The following COL9A2 variants were observed in gnomAD, a reference collection of about 807,000 sequenced individuals.
COL9A2 encodes collagen alpha-2(IX) chain.
A neutral mutation model predicts 111.6 loss-of-function variants in COL9A2; 66 were observed. The observed-to-expected ratio is 0.59, with a 90% CI of 0.48 to 0.73. COL9A2 has a LOEUF of 0.73. COL9A2 is among the 30% of genes least tolerant of loss of function. COL9A2 has a pLI of 0.00. For synonymous variants in COL9A2, 353 were observed against 364.1 expected (o/e 0.97, Z 0.35); for missense variants, 881 against 954.1 (o/e 0.92, Z 1.01).
Position 40,306,155 on chromosome 1 carries a change from G to A in COL9A2, c.1041C>T (p.Gly347=), listed in dbSNP as rs138882727. ...GGGATCGCCTCACCTGGTCTCCAGGGCCTCCTTTTGTCCCAGGCTGGCCTG... is the reference window on the plus strand; with the variant it reads ...GGGATCGCCTCACCTGGTCTCCAGGACCTCCTTTTGTCCCAGGCTGGCCTG... ...GVPGQPGTKG[G]PGDQGEPGPQ... is the part of the protein sequence containing the mutation. Residue 347 remains glycine, a synonymous_variant, in exon 20 of 32, where the codon GGC becomes GGT. Transcript: ENST00000372748. The A allele has an allele frequency of 1.3e-3, 2,120 of 1,614,176 alleles. 2 individuals carry two copies. Among genetic ancestry groups the A allele is most frequent in the Admixed American group, 1.7e-3 (102 of 60,016 alleles).
Position 40,314,148 on chromosome 1 carries a change from C to T in COL9A2, c.249+57G>A. The T allele has an allele frequency of 3.8e-6, 6 of 1,573,192 alleles. No individual in the cohort carries two copies. The highest frequency in any genetic ancestry group is 4.4e-6 in the Non-Finnish European group (5 of 1,143,616). ...GATCAGTGAAGATGCCAGAGCCAGG[C>T]CCTGGAGGTCAATTGGCAGAGCCCT... is the stretch of plus-strand genomic sequence containing the variant. On this transcript the variant is annotated intron_variant, in intron 4 of 31. Coordinates refer to ENST00000372748, the MANE Select transcript of COL9A2 (RefSeq NM_001852.4). This position sits in a 1 kb window ranked among gnomAD's most constrained non-coding sequence, Gnocchi z 4.1.
intron 2 of COL9A2, chr1:40,315,207 T>G (rs1644197923): frequency 9.6e-7 from 1 of 1,042,950 alleles, no homozygotes; most frequent in African/African-American, 1.7e-5. Context: ...CCCAAGCTGG[T>G]CGGTGGTCTG....
At position 40,316,514 on chromosome 1, in the gene COL9A2, T is replaced by C; in HGVS notation, c.75+609A>G. The C allele has an allele frequency of 4.6e-6, 2 of 437,350 alleles. No homozygotes were observed. Among genetic ancestry groups the C allele is most frequent in the South Asian group, 1.6e-5 (1 of 62,430 alleles). The allele number at this position is 437,350 out of a possible 1,614,324, so 27.1% of individuals were successfully genotyped here. A position where few individuals can be genotyped will look rare whatever the true frequency, so the allele number is the denominator to read the frequency against. On this transcript the variant is annotated intron_variant, in intron 1 of 31. Coordinates refer to ENST00000372748, the MANE Select transcript of COL9A2 (RefSeq NM_001852.4). The surrounding 1 kb of genome is among the most constrained non-coding windows in gnomAD (Gnocchi z 5.5). ...GATCAGAGATCTTAAAAGGCGGCCC[T>C]TTTAAGAGGCCAGCTCGGACCCAGG...
rs767307495 is a variant in COL9A2, at chr1:40,309,940, C to T, written c.844G>A (p.Glu282Lys). Reference protein sequence around the residue: ...PPGRAGEKGDEGSPGIRGPQG... With the variant: ...PPGRAGEKGDKGSPGIRGPQG... ...ACAATGGGTGCCTGAGGACTCACCT[C>T]GTCACCCTTCTCCCCAGCTCGGCCT... The change falls in exon 16 of 32, where the codon GAG becomes AAG. Residue 282 changes from glutamate (E) to lysine (K), a missense_variant and splice_region_variant. Glu to Lys is a moderately conservative substitution (Grantham distance 56). Transcript: ENST00000372748. 2.3e-5 allele frequency: 37 copies of T among 1,613,562 alleles called. No homozygotes were observed. The highest frequency in any genetic ancestry group is 1.5e-4 in the South Asian group (14 of 91,046).
chr1:40,307,033 C>A lies in COL9A2; in HGVS notation c.1008+413G>T, dbSNP rs1395979359. On this transcript the variant is annotated intron_variant, in intron 19 of 31. Transcript: ENST00000372748. This position sits in a 1 kb window ranked among gnomAD's most constrained non-coding sequence, Gnocchi z 4.8. Reference sequence around the variant, plus strand: ...CTAATTTTTGTATTTTTAGTAGAGACGGGGTGTCACCACATTGGCCAGGCT... The same window carrying A: ...CTAATTTTTGTATTTTTAGTAGAGAAGGGGTGTCACCACATTGGCCAGGCT... Among the ~76,000 whole-genome samples, 3 of 151,910 alleles carry A rather than the reference C, an allele frequency of 2.0e-5. No homozygotes were observed. Among genetic ancestry groups the A allele is most frequent in the African/African-American group, 4.8e-5 (2 of 41,322 alleles).
intron 22 of COL9A2, 54 bp from the exon 23 acceptor site, chr1:40,304,583 C>T: frequency 6.2e-7 from 1 of 1,603,390 alleles, no homozygotes; most frequent in Non-Finnish European, 8.5e-7. Context: ...GGGGTAGCCT[C>T]CCGCACCGAG....
rs1979785 is a variant in COL9A2, at chr1:40,312,128, T to G, written c.364-16A>C. ...CAGGAGGCCCCTGGGGAGCAGAGAG[T>G]TGATGGTCAGGATGCCTCAGAGGGT... On this transcript the variant is annotated splice_polypyrimidine_tract_variant and intron_variant, in intron 7 of 31. Transcript: ENST00000372748. The surrounding 1 kb of genome is among the most constrained non-coding windows in gnomAD (Gnocchi z 6.0). 403,779 of 1,593,676 alleles carry G rather than the reference T, an allele frequency of 0.25. 58,959 individuals carry two copies. Among genetic ancestry groups the G allele is most frequent in the East Asian group, 0.72 (31,806 of 44,190 alleles).
At position 40,312,534 on chromosome 1, in the gene COL9A2, C is replaced by A; in HGVS notation, c.339+40G>T. 1 of 1,613,954 alleles carries A rather than the reference C, an allele frequency of 6.2e-7. No individual in the cohort carries two copies. Among genetic ancestry groups the A allele is most frequent in the Non-Finnish European group, 8.5e-7 (1 of 1,179,940 alleles). ...ATGGCTCCCTCTGCAGGTCCCCTCT[C>A]CCCCAAGAGTCCCTCGAAGCCCTTG... On this transcript the variant is annotated intron_variant, in intron 6 of 31. Transcript: ENST00000372748. The surrounding 1 kb of genome is among the most constrained non-coding windows in gnomAD (Gnocchi z 6.0).
chr1:40,315,787 A>G, intron 1 of COL9A2, 123 bp from the exon 2 acceptor site: 1 of 640,096 alleles, frequency 1.6e-6, no homozygotes, highest in Non-Finnish European at 2.8e-6. Flanking sequence ...ACTCCCACGT[A>G]TTGAGAATCT....
At position 40,311,446 on chromosome 1, in the gene COL9A2, ATCT is replaced by A; in HGVS notation, c.519+51_519+53del. ...CCCATCTCCGTGGCCCCGCCTCCCC[ATCT>A]CTGTGGCCCCGCCCCCCTGTGTTAG... On this transcript the variant is annotated intron_variant, in intron 10 of 31. Coordinates refer to ENST00000372748, the MANE Select transcript of COL9A2 (RefSeq NM_001852.4). The surrounding 1 kb of genome is among the most constrained non-coding windows in gnomAD (Gnocchi z 5.1). 3 of 780,608 alleles carry A rather than the reference ATCT, an allele frequency of 3.8e-6. No individual in the cohort carries two copies. The highest frequency in any genetic ancestry group is 5.2e-6 in the Non-Finnish European group (3 of 579,226). The allele number at this position is 780,608 out of a possible 1,614,324, so 48.4% of individuals were successfully genotyped here.
chr1:40,307,617 C>T lies in COL9A2; in HGVS notation c.954+86G>A, dbSNP rs2075560. On this transcript the variant is annotated intron_variant, in intron 18 of 31. Transcript: ENST00000372748. This position sits in a 1 kb window ranked among gnomAD's most constrained non-coding sequence, Gnocchi z 4.8. ...GAGGCAAGAAAGGGCATGTCCATGA[C>T]CTGAGGACCCCAGGCTCTTGGTGTC... is the stretch of plus-strand genomic sequence containing the variant. 0.037 allele frequency: 58,782 copies of T among 1,587,386 alleles called. 1,752 individuals are homozygous for T. The highest frequency in any genetic ancestry group is 0.15 in the East Asian group (6,836 of 44,310).
chr1:40,306,335 G>C (rs1318151045), intron 19 of COL9A2, 148 bp from the exon 20 acceptor site: 1 of 837,330 alleles, frequency 1.2e-6, no homozygotes, highest in South Asian at 1.4e-5. Context: ...GAACTTAACT[G>C]TACATTCCCA....
Position 40,307,449 on chromosome 1 carries a change from T to C in COL9A2, c.1005A>G (p.Leu335=), listed in dbSNP as rs761276112. 1.2e-6 allele frequency: 2 copies of C among 1,613,886 alleles called. No homozygotes were observed. The highest frequency in any genetic ancestry group is 2.7e-5 in the African/African-American group (2 of 74,922). ...TGTGGCTCCACCTGACACTTACCGC[T>C]AGGCCCTGGTGGCCTGGACTTCCGG... ...GQPGSPGHQG[L]AGVPGQPGTK... Residue 335 remains leucine, a synonymous_variant, in exon 19 of 32, where the codon CTA becomes CTG. Transcript: ENST00000372748. The surrounding 1 kb of genome is among the most constrained non-coding windows in gnomAD (Gnocchi z 4.8).
chr1:40,310,324 A>G lies in COL9A2; in HGVS notation c.685-7T>C. The G allele has an allele frequency of 1.2e-6, 2 of 1,613,930 alleles. No individual in the cohort carries two copies. The highest frequency in any genetic ancestry group is 4.5e-5 in the East Asian group (2 of 44,862). Reference sequence around the variant, plus strand: ...CCCTGATGCCCTGGGGACCCTGTTGAGAAAGAAAAATGACAGCAATGGCAA... The same window carrying G: ...CCCTGATGCCCTGGGGACCCTGTTGGGAAAGAAAAATGACAGCAATGGCAA... On this transcript the variant is annotated splice_polypyrimidine_tract_variant and splice_region_variant and intron_variant, in intron 13 of 31. Transcript: ENST00000372748. The surrounding 1 kb of genome is among the most constrained non-coding windows in gnomAD (Gnocchi z 4.9).
Position 40,311,452 on chromosome 1 carries a change from G to GTGGCCCCGCCCCCCTGTGT in COL9A2, c.519+29_519+47dup. ...TCCGTGGCCCCGCCTCCCCATCTCT[G>GTGGCCCCGCCCCCCTGTGT]TGGCCCCGCCCCCCTGTGTTAGCCC... On this transcript the variant is annotated intron_variant, in intron 10 of 31. Coordinates refer to ENST00000372748, the MANE Select transcript of COL9A2 (RefSeq NM_001852.4). The surrounding 1 kb of genome is among the most constrained non-coding windows in gnomAD (Gnocchi z 5.1). 3.5e-6 allele frequency: 5 copies of GTGGCCCCGCCCCCCTGTGT among 1,443,386 alleles called. No homozygotes were observed. Among genetic ancestry groups the GTGGCCCCGCCCCCCTGTGT allele is most frequent in the Non-Finnish European group, 4.8e-6 (5 of 1,041,114 alleles). 89.4% of individuals were successfully genotyped at this position (1,443,386 alleles called of 1,614,324 possible).
chr1:40,301,642 G>A (rs746507014), intron 31 of COL9A2, among the ~76,000 whole-genome samples, 170 bp downstream of exon 31: 11 of 152,212 alleles, frequency 7.2e-5, no homozygotes, highest in Middle Eastern at 3.2e-3. Context: ...CCAGCTTCCA[G>A]AGCTGGAACC....
At position 40,311,689 on chromosome 1, in the gene COL9A2, C is replaced by T. The variant is rs749975211; in HGVS notation, c.444G>A (p.Ser148=). The T allele has an allele frequency of 6.5e-5, 105 of 1,613,908 alleles. No individual in the cohort carries two copies. The highest frequency in any genetic ancestry group is 2.3e-4 in the Admixed American group (14 of 60,000). ...PKGDPGPDGP[S]GPPGPPGKPG... is the part of the protein sequence containing the mutation. ...GTTTCCCAGGGGGTCCTGGGGGCCC[C>T]GATGGTCCATCTGGTCCAGGGTCCC... The change falls in exon 9 of 32, where the codon TCG becomes TCA. Residue 148 remains serine, a synonymous_variant. Transcript: ENST00000372748. The surrounding 1 kb of genome is among the most constrained non-coding windows in gnomAD (Gnocchi z 5.1).
In COL9A2 at chr1:40,302,616, C is replaced by A; in HGVS notation, c.1792+5G>T. 1 of 1,597,310 alleles carries A rather than the reference C, an allele frequency of 6.3e-7. No homozygotes were observed. The highest frequency in any genetic ancestry group is 2.3e-5 in the East Asian group (1 of 43,894). On this transcript the variant is annotated splice_donor_5th_base_variant and intron_variant, in intron 30 of 31. Transcript: ENST00000372748. The surrounding 1 kb of genome is among the most constrained non-coding windows in gnomAD (Gnocchi z 4.5). ...CCCCCATGCCCACCGCAGAGGAGCA[C>A]TCACCCTTGGGCCCCGTGTTGCCGA...
chr1:40,310,035 G>A lies in COL9A2; in HGVS notation c.793-44C>T. 2 of 1,613,598 alleles carry A rather than the reference G, an allele frequency of 1.2e-6. No homozygotes were observed. Among genetic ancestry groups the A allele is most frequent in the Non-Finnish European group, 1.7e-6 (2 of 1,179,502 alleles). On this transcript the variant is annotated intron_variant, in intron 15 of 31. Transcript: ENST00000372748. This position sits in a 1 kb window ranked among gnomAD's most constrained non-coding sequence, Gnocchi z 4.9. Reference sequence around the variant, plus strand: ...AGGAATCCAGGTCACACAGGCTCAGGGGGAGCCATGCCCACTCTGTGGCTG... The same window carrying A: ...AGGAATCCAGGTCACACAGGCTCAGAGGGAGCCATGCCCACTCTGTGGCTG...
Sources: allele counts gnomAD v4.1 joint callset (sites outside exome capture counted in the v4.1 genomes callset), GRCh38; gene constraint gnomAD v4.1.1; non-coding constraint Gnocchi (gnomAD v3.1); transcripts MANE v1.5; gene names NCBI Gene and HGNC (gene_info 2026-07-23, HGNC 2026-07-21).